HIPK3: variants seen among roughly 807,000 people sequenced by gnomAD.
HIPK3 encodes the protein homeodomain-interacting protein kinase 3.
Under a neutral mutation model 124.2 loss-of-function variants are expected in HIPK3, and 47 were observed. The ratio of observed to expected loss-of-function variants is 0.38; its 90% confidence interval spans 0.30 to 0.48. The LOEUF is 0.48. Among genes scored for constraint, HIPK3 ranks in the 20% least tolerant of loss-of-function variants. HIPK3 has a pLI of 0.98. For missense variants in HIPK3, 1,286 were observed against 1,454.3 expected (o/e 0.88, Z 1.88); for synonymous variants, 482 against 515.2 (o/e 0.94, Z 0.87).
chr11:33,317,922 C>T (rs1188285582), intron 2 of HIPK3, among the ~76,000 whole-genome samples: 1 of 152,072 alleles, frequency 6.6e-6, no homozygotes, highest in Non-Finnish European at 1.5e-5. Context: ...ATGTTACAGT[C>T]GTCTTTAGGA....
intron 10 of HIPK3, 23 bp downstream of exon 10, chr11:33,347,776 TTG>T: frequency 1.2e-6 from 2 of 1,613,058 alleles, no homozygotes; most frequent in Middle Eastern, 3.3e-4. Flanking sequence ...CAAAAGTACT[TTG>T]TGAATAGTTT....
intron 14 of HIPK3, 57 bp downstream of exon 14, chr11:33,349,344 G>C: frequency 7.1e-7 from 1 of 1,409,522 alleles, no homozygotes. Flanking sequence ...AAAAGCCTAC[G>C]ATTTCTTTCT....
At chr11:33,273,817 G>A (rs951119913) in intron 1 of HIPK3, among the ~76,000 whole-genome samples, 2 of 152,128 alleles carry the variant, frequency 1.3e-5, no homozygotes, top group Non-Finnish European at 2.9e-5. Flanking sequence ...TCAAGCTTAT[G>A]CAGCTGTAAA....
At chr11:33,325,948 T>C (rs1402987349) in intron 2 of HIPK3, among the ~76,000 whole-genome samples, 2 of 152,214 alleles carry the variant, frequency 1.3e-5, no homozygotes, top group Non-Finnish European at 2.9e-5. Context: ...TATAACCATG[T>C]TTTGAAGATC....
intron 6 of HIPK3, 28 bp downstream of exon 6, chr11:33,339,562 G>A: frequency 7.0e-7 from 1 of 1,433,990 alleles, no homozygotes; most frequent in Non-Finnish European, 9.5e-7. Context: ...CTTTTAAAGT[G>A]GTTCTAAAAA....
chr11:33,332,061 A>T (rs1242852404), intron 3 of HIPK3, among the ~76,000 whole-genome samples: 1 of 152,158 alleles, frequency 6.6e-6, no homozygotes, highest in African/African-American at 2.4e-5. Context: ...GCCTGGCCAA[A>T]TTATTATATT....
intron 1 of HIPK3, chr11:33,258,626 G>A: frequency 1.0e-6 from 1 of 985,394 alleles, no homozygotes; most frequent in Non-Finnish European, 1.2e-6. Flanking sequence ...TGGGAGAACT[G>A]GCGGAAAGAC....
chr11:33,345,775 A>C (rs1444988856), intron 8 of HIPK3, among the ~76,000 whole-genome samples: 1 of 152,134 alleles, frequency 6.6e-6, no homozygotes, highest in Non-Finnish European at 1.5e-5. Flanking sequence ...CTGGCTCTTT[A>C]GGTGGAGCAC....
chr11:33,302,113 T>G (rs1465020920), intron 2 of HIPK3, among the ~76,000 whole-genome samples: 1 of 152,122 alleles, frequency 6.6e-6, no homozygotes, highest in Non-Finnish European at 1.5e-5. Context: ...AAGTGTTAGA[T>G]CCTGTGAAGG....
intron 5 of HIPK3, 56 bp downstream of exon 5, chr11:33,338,899 G>A (rs1590185278): frequency 1.7e-6 from 2 of 1,203,212 alleles, no homozygotes; most frequent in East Asian, 4.7e-5. Context: ...AGACTTGAAT[G>A]CCAAGGGGCC....
intron 4 of HIPK3, among the ~76,000 whole-genome samples, chr11:33,338,130 T>C (rs1385270839): frequency 6.6e-6 from 1 of 152,232 alleles, no homozygotes; most frequent in Non-Finnish European, 1.5e-5. Flanking sequence ...TATTACACTT[T>C]ATAGGACAGG....
intron 2 of HIPK3, among the ~76,000 whole-genome samples, chr11:33,306,403 G>A (rs1852160140): frequency 6.6e-6 from 1 of 152,072 alleles, no homozygotes; most frequent in Admixed American, 6.6e-5. Context: ...TGGTTTTGAA[G>A]CTGTCTAATA....
chr11:33,271,065 C>T (rs183508619), intron 1 of HIPK3, among the ~76,000 whole-genome samples: 8 of 152,156 alleles, frequency 5.3e-5, no homozygotes, highest in Non-Finnish European at 7.4e-5. Context: ...GTCTAGTATA[C>T]CAATTCCTAG....
At chr11:33,293,603 T>C (rs1851759111) in intron 2 of HIPK3, among the ~76,000 whole-genome samples, 1 of 152,180 alleles carries the variant, frequency 6.6e-6, no homozygotes, top group Non-Finnish European at 1.5e-5. Flanking sequence ...GTATCAATAC[T>C]TACTACTTTT....
chr11:33,273,512 CAAAAAAAAA>C (rs398015727), intron 1 of HIPK3, among the ~76,000 whole-genome samples: 2 of 48,040 alleles, frequency 4.2e-5, no homozygotes, highest in Non-Finnish European at 3.3e-5. Context: ...TCTGTCTCCA[CAAAAAAAAA>C]AAAAAAAAAA....
chr11:33,295,232 C>G (rs986336619), intron 2 of HIPK3, among the ~76,000 whole-genome samples: 1 of 152,108 alleles, frequency 6.6e-6, no homozygotes, highest in African/African-American at 2.4e-5. Context: ...GAAGCTTCCT[C>G]CCGATTTGGC....
intron 1 of HIPK3, among the ~76,000 whole-genome samples, chr11:33,261,647 C>G (rs374113014): frequency 1.3e-5 from 2 of 152,142 alleles, no homozygotes; most frequent in African/African-American, 2.4e-5. Context: ...GATTCCATGT[C>G]TTTGCCCTTG....
chr11:33,352,227 A>G lies in HIPK3; in HGVS notation c.3133A>G (p.Thr1045Ala). Residue 1045 changes from threonine (T) to alanine (A), a missense_variant, in exon 16 of 17, where the codon ACA becomes GCA. This residue lies in a region of HIPK3 where 810 missense variants were observed against 864.9 expected (regional missense o/e 0.94). Coordinates refer to ENST00000303296, the MANE Select transcript of HIPK3 (RefSeq NM_005734.5). ...AGTGGGTACTCGTCAGCAAAAATTG[A>G]CATCAGCATTCCAGCAGCAGCATTT... ...SAVGTRQQKL[T>A]SAFQQQHLNF... 6.2e-7 allele frequency: 1 copy of G among 1,614,068 alleles called. No homozygotes were observed. Among genetic ancestry groups the G allele is most frequent in the Middle Eastern group, 1.7e-4 (1 of 6,060 alleles).
chr11:33,343,541 T>C (rs1250081913), intron 8 of HIPK3, among the ~76,000 whole-genome samples: 5 of 152,234 alleles, frequency 3.3e-5, no homozygotes, highest in Admixed American at 6.5e-5. Context: ...CAGCCTCTCA[T>C]AGTGCTGGGA....
Sources: allele counts gnomAD v4.1 joint callset (sites outside exome capture counted in the v4.1 genomes callset), GRCh38; gene constraint gnomAD v4.1.1; regional missense constraint gnomAD v4.1.1; transcripts MANE v1.5; gene names NCBI Gene and HGNC (gene_info 2026-07-23, HGNC 2026-07-21).